Variants in TAF4B observed in about 807,000 individuals in gnomAD.
TAF4B encodes the protein TATA-box binding protein associated factor 4b, also known as transcription initiation factor TFIID subunit 4B.
TAF4B carries 38 observed loss-of-function variants against 86.4 expected under a neutral mutation model. The ratio of observed to expected loss-of-function variants is 0.44; its 90% CI spans 0.34 to 0.58. The LOEUF (loss-of-function observed/expected upper bound fraction) is 0.58, where lower values mean the gene tolerates loss of function less well. Ranked by LOEUF, TAF4B falls within the 20% of genes least tolerant of loss-of-function variation. The pLI, the probability that TAF4B is intolerant of heterozygous loss-of-function variation, is 0.02. For missense variants in TAF4B, 988 were observed against 1,027.6 expected, an observed-to-expected ratio of 0.96 and a Z score of 0.53; for synonymous variants, 388 against 391.2, an observed-to-expected ratio of 0.99 and a Z score of 0.10.
At chr18:26,306,714 A>T (rs1260475169) in intron 9 of TAF4B, among the ~76,000 whole-genome samples, 3 of 152,054 alleles carry the variant, frequency 2.0e-5, no homozygotes, top group Admixed American at 2.0e-4. Flanking sequence ...TTTCATAGTG[A>T]TGTCTTTTTA....
In TAF4B at chr18:26,226,851, G is replaced by A; in HGVS notation, c.-83G>A. ...GATGCTGTGGAACCCGAACCGCACC[G>A]GAGTCGGCTGCCGCGCGCCAAGCCT... On this transcript the variant is annotated 5_prime_UTR_variant, in exon 1 of 15. Transcript: ENST00000269142. The A allele has an allele frequency of 8.7e-7, 1 of 1,154,300 alleles. No individual in the cohort carries two copies. The highest frequency in any genetic ancestry group is 1.1e-6 in the Non-Finnish European group (1 of 890,758). The allele number at this position is 1,154,300 out of a possible 1,614,324, so 71.5% of individuals were successfully genotyped here. A position where few individuals can be genotyped will look rare whatever the true frequency, so the allele number is the denominator to read the frequency against.
At chr18:26,279,939 G>A (rs1364999609) in intron 5 of TAF4B, among the ~76,000 whole-genome samples, 1 of 152,062 alleles carries the variant, frequency 6.6e-6, no homozygotes. Context: ...AGCTACTCAG[G>A]AGGCCGAGGC....
rs58691265 is a variant in TAF4B, at chr18:26,315,095, ACTCTCTCTCT to A, written c.1833-93_1833-84del. The A allele has an allele frequency of 3.9e-3, 854 of 220,216 alleles. 3 individuals carry two copies. The highest frequency in any genetic ancestry group is 0.032 in the African/African-American group (557 of 17,582). The allele number at this position is 220,216 out of a possible 1,614,324, so 13.6% of individuals were successfully genotyped here. On this transcript the variant is annotated intron_variant, in intron 9 of 14. Coordinates refer to ENST00000269142, the MANE Select transcript of TAF4B (RefSeq NM_005640.3). Reference sequence around the variant, plus strand: ...ACCTCTAATTCTTTTGCTCTCTGAAACTCTCTCTCTCTCTCTCTCTCTCTCTCTCTCTCTC... The same window carrying A: ...ACCTCTAATTCTTTTGCTCTCTGAAACTCTCTCTCTCTCTCTCTCTCTCTC...
chr18:26,290,774 A>G (rs1004512691), intron 7 of TAF4B, among the ~76,000 whole-genome samples: 29 of 152,218 alleles, frequency 1.9e-4, no homozygotes, highest in African/African-American at 7.0e-4. Flanking sequence ...TCATAATTAA[A>G]ATACTGACAG....
At chr18:26,230,509 C>T (rs951780564) in intron 1 of TAF4B, among the ~76,000 whole-genome samples, 11 of 152,120 alleles carry the variant, frequency 7.2e-5, no homozygotes, top group African/African-American at 2.7e-4. Context: ...CACCATACAC[C>T]ATCCACTGTT....
Position 26,229,980 on chromosome 18 carries a change from C to T in TAF4B, c.343+2704C>T, listed in dbSNP as rs780782528. Among the ~76,000 whole-genome samples the T allele has an allele frequency of 2.0e-3, 304 of 149,148 alleles. 2 individuals carry two copies. The highest frequency in any genetic ancestry group is 7.0e-3 in the African/African-American group (284 of 40,512). ...TAAAAAAAAAATATATATATATATA[C>T]ACACACACACACACATATACATATA... On this transcript the variant is annotated intron_variant, in intron 1 of 14. Transcript: ENST00000269142.
intron 1 of TAF4B, among the ~76,000 whole-genome samples, chr18:26,230,595 G>T (rs2055649895): frequency 6.6e-6 from 1 of 152,222 alleles, no homozygotes; most frequent in African/African-American, 2.4e-5. Context: ...GCCCACAGGA[G>T]AAAGTGCTGG....
intron 3 of TAF4B, among the ~76,000 whole-genome samples, chr18:26,272,210 C>T (rs1429607802): frequency 6.6e-6 from 1 of 152,184 alleles, no homozygotes; most frequent in Admixed American, 6.5e-5. Context: ...CTATCAAGAT[C>T]ATCAGGCATT....
intron 9 of TAF4B, among the ~76,000 whole-genome samples, chr18:26,298,840 C>T (rs1456334746): frequency 2.1e-5 from 3 of 145,804 alleles, no homozygotes; most frequent in Non-Finnish European, 4.5e-5. Flanking sequence ...CCACCATGCC[C>T]AGCCTATTGC....
rs2056257982 is a variant in TAF4B at position 26,267,585 on chromosome 18, A to G, written c.559A>G (p.Thr187Ala). Residue 187 changes from threonine to alanine, a missense_variant, in exon 3 of 15, where the codon ACT becomes GCT. By Grantham distance (58) the Thr-to-Ala change is moderately conservative. This residue lies in a region of TAF4B where 747 missense variants were observed against 737.9 expected (regional missense o/e 1.01). Coordinates refer to ENST00000269142, the MANE Select transcript of TAF4B (RefSeq NM_005640.3). ...TAAAAAATTGGCACAAATAGGAACT[A>G]CTGTGGTAACCACTGTTCCGAAGCC... ...PVKKLAQIGT[T>A]VVTTVPKPSS... The G allele has an allele frequency of 2.5e-6, 4 of 1,614,156 alleles. No homozygotes were observed. The highest frequency in any genetic ancestry group is 3.4e-6 in the Non-Finnish European group (4 of 1,179,974).
intron 12 of TAF4B, among the ~76,000 whole-genome samples, chr18:26,332,685 A>G (rs1320901673): frequency 6.6e-6 from 1 of 152,040 alleles, no homozygotes; most frequent in Non-Finnish European, 1.5e-5. Flanking sequence ...GCCCGCCACC[A>G]TGCCTGGCTA....
chr18:26,384,920 A>G (rs1262473098), intron 14 of TAF4B, among the ~76,000 whole-genome samples: 4 of 152,170 alleles, frequency 2.6e-5, no homozygotes, highest in East Asian at 3.8e-4. Context: ...TCAGTTCTGT[A>G]TATCTTATGC....
chr18:26,305,025 G>A, intron 9 of TAF4B: 2 of 422,940 alleles, frequency 4.7e-6, no homozygotes, highest in Non-Finnish European at 6.3e-6. Flanking sequence ...GTTTAACTTG[G>A]AAATTTGTTT....
At chr18:26,380,084 A>T (rs763385693) in intron 14 of TAF4B, among the ~76,000 whole-genome samples, 2 of 152,164 alleles carry the variant, frequency 1.3e-5, no homozygotes, top group Non-Finnish European at 2.9e-5. Flanking sequence ...TAAGCAAATC[A>T]TGCTGGCCAC....
At chr18:26,379,980 A>T (rs1271903129) in intron 14 of TAF4B, among the ~76,000 whole-genome samples, 1 of 152,164 alleles carries the variant, frequency 6.6e-6, no homozygotes, top group East Asian at 1.9e-4. Context: ...ATATCAAAGT[A>T]AAGTTGATTT....
At chr18:26,380,177 C>G (rs1001532367) in intron 14 of TAF4B, among the ~76,000 whole-genome samples, 1 of 152,040 alleles carries the variant, frequency 6.6e-6, no homozygotes, top group South Asian at 2.1e-4. Context: ...GGCTAACTTC[C>G]CCATTACTAT....
At chr18:26,285,171 C>T (rs2056495318) in intron 6 of TAF4B, among the ~76,000 whole-genome samples, 1 of 130,978 alleles carries the variant, frequency 7.6e-6, no homozygotes, top group Admixed American at 8.5e-5. Context: ...CGAGGTTTTA[C>T]CATGTTGCCT....
intron 13 of TAF4B, among the ~76,000 whole-genome samples, chr18:26,352,360 ATAAAT>A (rs1246602469): frequency 1.3e-5 from 2 of 152,108 alleles, no homozygotes; most frequent in Non-Finnish European, 1.5e-5. Context: ...CCTCAAATCA[ATAAAT>A]TAAACTTCTT....
chr18:26,323,735 A>G (rs981302192), intron 11 of TAF4B, among the ~76,000 whole-genome samples: 1 of 152,136 alleles, frequency 6.6e-6, no homozygotes, highest in Non-Finnish European at 1.5e-5. Context: ...CTTAAAGTCT[A>G]TACTGTCTGA....
Sources: gnomAD v4.1 joint callset for allele counts (sites outside exome capture counted in the v4.1 genomes callset) on GRCh38, gnomAD v4.1.1 for gene constraint, gnomAD v4.1.1 regional missense constraint, MANE v1.5 for transcripts, NCBI Gene and HGNC (gene_info 2026-07-23, HGNC 2026-07-21) for gene names.